UBE2L3: variants seen among roughly 807,000 people sequenced by gnomAD.
UBE2L3 encodes ubiquitin conjugating enzyme E2 L3, also known as ubiquitin-conjugating enzyme E2 L3.
UBE2L3 carries 1 observed loss-of-function variant against 17.8 expected under a neutral mutation model. That is an observed-to-expected ratio of 0.06 (90% CI 0.02 to 0.27). The LOEUF (loss-of-function observed/expected upper bound fraction) is 0.27. Ranked by LOEUF, UBE2L3 falls within the 10% of genes least tolerant of loss-of-function variation. UBE2L3 has a pLI of 1.00. For synonymous variants in UBE2L3, 44 were observed against 68.5 expected, an observed-to-expected ratio of 0.64 and a Z score of 1.76; for missense variants, 40 against 192.6, an observed-to-expected ratio of 0.21 and a Z score of 4.69.
At chr22:21,600,394 G>GT (rs775216963) in intron 2 of UBE2L3, among the ~76,000 whole-genome samples, 7 of 151,838 alleles carry the variant, frequency 4.6e-5, no homozygotes. Context: ...GAACTCTTTA[G>GT]TGTTGAAGTA....
chr22:21,574,374 A>G (rs1248537994), intron 1 of UBE2L3, among the ~76,000 whole-genome samples: 1 of 152,180 alleles, frequency 6.6e-6, no homozygotes, highest in African/African-American at 2.4e-5. Flanking sequence ...TAAATGAGTT[A>G]ATATATACCA....
At chr22:21,593,830 C>T (rs1928389022) in intron 2 of UBE2L3, among the ~76,000 whole-genome samples, 1 of 152,126 alleles carries the variant, frequency 6.6e-6, no homozygotes. Flanking sequence ...GACCAGCCTG[C>T]CACTCGCTCC....
At chr22:21,615,572 AAG>A (rs956726289) in intron 3 of UBE2L3, among the ~76,000 whole-genome samples, 3 of 152,088 alleles carry the variant, frequency 2.0e-5, no homozygotes, top group Non-Finnish European at 4.4e-5. Context: ...AAAAAAAAGA[AAG>A]AAAATATGCT....
At chr22:21,581,359 T>C (rs1197582205) in intron 1 of UBE2L3, among the ~76,000 whole-genome samples, 1 of 152,148 alleles carries the variant, frequency 6.6e-6, no homozygotes, top group Non-Finnish European at 1.5e-5. Flanking sequence ...CATTTTGTTA[T>C]CCTTATTATT....
At chr22:21,605,010 G>A (rs1028924940) in intron 2 of UBE2L3, among the ~76,000 whole-genome samples, 1 of 152,162 alleles carries the variant, frequency 6.6e-6, no homozygotes, top group African/African-American at 2.4e-5. Flanking sequence ...GAAGGCAGTG[G>A]CGTGATCATG....
chr22:21,579,044 G>A (rs1927481672), intron 1 of UBE2L3, among the ~76,000 whole-genome samples: 1 of 151,952 alleles, frequency 6.6e-6, no homozygotes, highest in African/African-American at 2.4e-5. Flanking sequence ...AGGCTGGAGT[G>A]CAATGGTGTG....
At chr22:21,591,131 T>C (rs531684044) in intron 1 of UBE2L3, among the ~76,000 whole-genome samples, 2 of 152,302 alleles carry the variant, frequency 1.3e-5, no homozygotes, top group East Asian at 3.9e-4. Flanking sequence ...TCAGGTTCCG[T>C]ACCTCCTTAT....
chr22:21,594,244 C>G (rs957641881), intron 2 of UBE2L3, among the ~76,000 whole-genome samples: 3 of 152,246 alleles, frequency 2.0e-5, no homozygotes, highest in African/African-American at 7.2e-5. Context: ...TTTGCCAAAG[C>G]AGAGCATGGA....
At chr22:21,595,369 G>GCA in intron 2 of UBE2L3, among the ~76,000 whole-genome samples, 1 of 152,240 alleles carries the variant, frequency 6.6e-6, no homozygotes, top group South Asian at 2.1e-4. Context: ...ACCCCAACCT[G>GCA]GGCTTTAGGT....
chr22:21,579,074 T>G (rs1448129013), intron 1 of UBE2L3, among the ~76,000 whole-genome samples: 1 of 151,744 alleles, frequency 6.6e-6, no homozygotes, highest in Non-Finnish European at 1.5e-5. Flanking sequence ...CACTGCAACC[T>G]CTGCCTACCA....
chr22:21,600,978 T>A (rs917654039), intron 2 of UBE2L3, among the ~76,000 whole-genome samples: 3 of 152,060 alleles, frequency 2.0e-5, no homozygotes, highest in African/African-American at 7.2e-5. Flanking sequence ...GCGACCAGCC[T>A]GGCCAACATG....
intron 2 of UBE2L3, among the ~76,000 whole-genome samples, chr22:21,595,706 A>G (rs1928480712): frequency 6.6e-6 from 1 of 152,186 alleles, no homozygotes; most frequent in African/African-American, 2.4e-5. Context: ...CGTCTAAGGA[A>G]GAAAATATTA....
chr22:21,585,688 A>T (rs1321420599), intron 1 of UBE2L3, among the ~76,000 whole-genome samples: 1 of 152,040 alleles, frequency 6.6e-6, no homozygotes. Context: ...CATGTTGGGG[A>T]TGTGGGGCTG....
intron 1 of UBE2L3, among the ~76,000 whole-genome samples, chr22:21,556,868 A>G (rs537349219): frequency 6.6e-6 from 1 of 152,364 alleles, no homozygotes; most frequent in African/African-American, 2.4e-5. Flanking sequence ...AGCCTGGCCA[A>G]TATGGTGAAA....
Position 21,567,781 on chromosome 22 carries a change from A to C in UBE2L3, c.27+10A>C. The C allele has an allele frequency of 2.5e-6, 4 of 1,579,930 alleles. No individual in the cohort carries two copies. The highest frequency in any genetic ancestry group is 3.4e-6 in the Non-Finnish European group (4 of 1,164,234). ...CAGGAGGCTGATGAAGGTAAAAGCC[A>C]TTCTCTGGCAGCGGCCGGGCGTGGG... On this transcript the variant is annotated intron_variant, in intron 1 of 3. Transcript: ENST00000342192.
intron 3 of UBE2L3, among the ~76,000 whole-genome samples, chr22:21,621,006 G>C (rs901731460): frequency 2.0e-5 from 3 of 152,164 alleles, no homozygotes; most frequent in Non-Finnish European, 4.4e-5. Context: ...GTACACAAGA[G>C]GACTGGATTA....
intron 1 of UBE2L3, among the ~76,000 whole-genome samples, chr22:21,589,142 A>ATTTTTT (rs768593270): frequency 3.6e-5 from 4 of 111,728 alleles, no homozygotes; most frequent in East Asian, 2.7e-4. Flanking sequence ...CATGATTGGA[A>ATTTTTT]TTTTTTTTTT....
chr22:21,616,811 G>A (rs1012982041), intron 3 of UBE2L3, among the ~76,000 whole-genome samples: 5 of 152,088 alleles, frequency 3.3e-5, no homozygotes, highest in Middle Eastern at 3.4e-3. Context: ...TGGGTTGAAG[G>A]TACATTGACA....
At chr22:21,562,376 C>A (rs1186972962) in intron 1 of UBE2L3, among the ~76,000 whole-genome samples, 1 of 123,304 alleles carries the variant, frequency 8.1e-6, no homozygotes, top group African/African-American at 3.2e-5. Context: ...TTCTTTTTTT[C>A]TTTTTTTTTT....
Sources: gnomAD v4.1 joint callset for allele counts (sites outside exome capture counted in the v4.1 genomes callset) on GRCh38, gnomAD v4.1.1 for gene constraint, MANE v1.5 for transcripts, NCBI Gene and HGNC (gene_info 2026-07-23, HGNC 2026-07-21) for gene names.